CIMIP5: variants seen among roughly 807,000 people sequenced by gnomAD.
CIMIP5 encodes ciliary microtubule inner protein 5.
chr2:11,140,964 GACT>G, the CIMIP5 span, among the ~76,000 whole-genome samples: 1 of 151,990 alleles, frequency 6.6e-6, no homozygotes, highest in Non-Finnish European at 1.5e-5. Context: ...ATTGCCACCA[GACT>G]AATTTCCCTA....
the CIMIP5 span, chr2:11,133,324 A>ACACACACC: frequency 6.4e-7 from 1 of 1,574,790 alleles, no homozygotes; most frequent in African/African-American, 1.6e-5. Flanking sequence ...ACACACACAC[A>ACACACACC]CACTTGCACC....
At chr2:11,141,209 A>G in the CIMIP5 span, among the ~76,000 whole-genome samples, 2 of 144,308 alleles carry the variant, frequency 1.4e-5, no homozygotes, top group East Asian at 4.1e-4. Flanking sequence ...GCTCACTGCA[A>G]TCTCCACCTC....
chr2:11,145,528 G>A, the CIMIP5 span: 1 of 152,274 alleles, frequency 6.6e-6, no homozygotes, highest in East Asian at 1.9e-4. Context: ...AACACAAATG[G>A]ATTCATTCTT....
the CIMIP5 span, among the ~76,000 whole-genome samples, chr2:11,141,844 T>G: frequency 6.6e-5 from 10 of 152,038 alleles, no homozygotes; most frequent in Non-Finnish European, 1.3e-4. Context: ...AGAGAAAAGA[T>G]GAATATGAAT....
At chr2:11,142,241 G>A in the CIMIP5 span, among the ~76,000 whole-genome samples, 629 of 146,908 alleles carry the variant, frequency 4.3e-3, 15 homozygotes, top group Admixed American at 0.037. Flanking sequence ...ACTCCAGCCT[G>A]GGCAACAAGA....
chr2:11,150,496 C>A, the CIMIP5 span, among the ~76,000 whole-genome samples: 4 of 151,436 alleles, frequency 2.6e-5, no homozygotes, highest in Non-Finnish European at 5.9e-5. Context: ...CCATGCCCGG[C>A]TAATTTTTGT....
the CIMIP5 span, among the ~76,000 whole-genome samples, chr2:11,139,638 C>T: frequency 2.6e-5 from 4 of 152,230 alleles, no homozygotes; most frequent in South Asian, 2.1e-4. Context: ...AGAGGCAGGG[C>T]GAGATGGTAG....
At chr2:11,133,414 C>G in the CIMIP5 span, 4 of 1,611,810 alleles carry the variant, frequency 2.5e-6, no homozygotes, top group Non-Finnish European at 2.5e-6. Flanking sequence ...CCACCAGCCT[C>G]GGTCTCCCCA....
the CIMIP5 span, among the ~76,000 whole-genome samples, chr2:11,147,867 G>A: frequency 6.6e-6 from 1 of 152,194 alleles, no homozygotes; most frequent in African/African-American, 2.4e-5. Context: ...GGACAGAGGG[G>A]CATCTGCAGT....
the CIMIP5 span, chr2:11,140,430 C>A: frequency 1.1e-6 from 1 of 894,668 alleles, no homozygotes; most frequent in Non-Finnish European, 1.7e-6. Flanking sequence ...TACATTGTTG[C>A]ATTGACTTGA....
the CIMIP5 span, chr2:11,145,938 C>G: frequency 6.6e-6 from 1 of 152,188 alleles, no homozygotes. Context: ...CTCAACAACC[C>G]AAGAGAATCA....
chr2:11,141,121 C>CTTT, the CIMIP5 span, among the ~76,000 whole-genome samples: 63 of 60,442 alleles, frequency 1.0e-3, no homozygotes, highest in African/African-American at 2.1e-3. Context: ...CCACAACACA[C>CTTT]TTTTTTTTTT....
the CIMIP5 span, among the ~76,000 whole-genome samples, chr2:11,150,784 AC>A: frequency 6.6e-6 from 1 of 151,752 alleles, no homozygotes; most frequent in African/African-American, 2.4e-5. Flanking sequence ...TAAAGATAAA[AC>A]AGCTACATGC....
the CIMIP5 span, among the ~76,000 whole-genome samples, chr2:11,148,730 CTCTTT>C: frequency 1.6e-5 from 1 of 63,858 alleles, no homozygotes. Context: ...CTAATGAAAA[CTCTTT>C]TTTTTTTTTT....
At chr2:11,137,401 T>C in the CIMIP5 span, among the ~76,000 whole-genome samples, 4 of 151,266 alleles carry the variant, frequency 2.6e-5, no homozygotes, top group African/African-American at 9.7e-5. Flanking sequence ...AAAAAGAACT[T>C]GTAGAAATAA....
At chr2:11,154,367 C>T in the CIMIP5 span, among the ~76,000 whole-genome samples, 1 of 151,650 alleles carries the variant, frequency 6.6e-6, no homozygotes, top group Non-Finnish European at 1.5e-5. Flanking sequence ...TTTCCATAGG[C>T]GGAGGTGATG....
At chr2:11,140,374 TAAAAAAAAAA>T in the CIMIP5 span, 3 of 280,422 alleles carry the variant, frequency 1.1e-5, no homozygotes, top group Non-Finnish European at 1.2e-5. Flanking sequence ...GCCTCCGTCT[TAAAAAAAAAA>T]AAAAAAAAAA....
the CIMIP5 span, among the ~76,000 whole-genome samples, chr2:11,151,073 G>A: frequency 2.0e-5 from 3 of 152,158 alleles, no homozygotes; most frequent in African/African-American, 7.2e-5. Context: ...AGACTAGATT[G>A]TGAATTCACT....
chr2:11,139,323 G>T, the CIMIP5 span, among the ~76,000 whole-genome samples: 4 of 152,024 alleles, frequency 2.6e-5, no homozygotes, highest in Admixed American at 1.3e-4. Flanking sequence ...GGATGCAAAG[G>T]CCTGAAGAAA....
Sources: allele counts gnomAD v4.1 joint callset (sites outside exome capture counted in the v4.1 genomes callset), GRCh38; gene constraint gnomAD v4.1.1; transcripts MANE v1.5; gene names NCBI Gene and HGNC (gene_info 2026-07-23, HGNC 2026-07-21).